PPP1R13B: variants seen among roughly 807,000 people sequenced by gnomAD.
PPP1R13B encodes the protein protein phosphatase 1 regulatory subunit 13B, also known as apoptosis-stimulating of p53 protein 1.
A neutral mutation model predicts 119.8 loss-of-function variants in PPP1R13B; 44 were observed. The observed-to-expected ratio is 0.37, with a 90% CI of 0.29 to 0.47. PPP1R13B has a LOEUF of 0.47. PPP1R13B is among the 20% of genes least tolerant of loss of function. The pLI is 0.99. For synonymous variants in PPP1R13B, 542 were observed against 561.5 expected (o/e 0.97, Z 0.49); for missense variants, 1,227 against 1,413.5 (o/e 0.87, Z 2.12).
chr14:103,776,742 T>G (rs1379843290), intron 4 of PPP1R13B, among the ~76,000 whole-genome samples: 1 of 151,558 alleles, frequency 6.6e-6, no homozygotes, highest in East Asian at 2.0e-4. Context: ...CGTGGCGGTG[T>G]GCGCCTGTAG....
chr14:103,828,910 G>C (rs190233625), intron 1 of PPP1R13B, among the ~76,000 whole-genome samples: 1 of 152,100 alleles, frequency 6.6e-6, no homozygotes. Flanking sequence ...AGGTGATAAA[G>C]GTCCTCCTCT....
intron 1 of PPP1R13B, among the ~76,000 whole-genome samples, chr14:103,812,778 A>T (rs890890934): frequency 1.3e-5 from 2 of 152,224 alleles, no homozygotes; most frequent in African/African-American, 4.8e-5. Context: ...ATGACATACA[A>T]ATGGAAAAAT....
chr14:103,846,680 G>T, intron 1 of PPP1R13B: 2 of 453,012 alleles, frequency 4.4e-6, no homozygotes, highest in East Asian at 1.4e-4. Context: ...CTAGGCGAAA[G>T]CATCCTTAAG....
At chr14:103,803,551 G>A (rs565072448) in intron 1 of PPP1R13B, among the ~76,000 whole-genome samples, 1 of 152,228 alleles carries the variant, frequency 6.6e-6, no homozygotes, top group Non-Finnish European at 1.5e-5. Flanking sequence ...GCTGAGGCAG[G>A]AGAATGCTGT....
Position 103,746,445 on chromosome 14 carries a change from C to G in PPP1R13B, c.1078G>C (p.Val360Leu), listed in dbSNP as rs1567089506. 1.9e-6 allele frequency: 3 copies of G among 1,614,056 alleles called. No homozygotes were observed. Among genetic ancestry groups the G allele is most frequent in the African/African-American group, 1.3e-5 (1 of 74,932 alleles). ...IQVPSAGSFP[V>L]LGDPIKPQSL... Reference sequence around the variant, plus strand: ...TGGGGCTTTATAGGGTCCCCCAGCACAGGAAAGCTTCCGGCACTGGGAACC... The same window carrying G: ...TGGGGCTTTATAGGGTCCCCCAGCAGAGGAAAGCTTCCGGCACTGGGAACC... Residue 360 changes from valine (V) to leucine (L), a missense_variant, in exon 9 of 17, where the codon GTG becomes CTG. Val to Leu is a conservative substitution (Grantham distance 32, BLOSUM62 1). Transcript: ENST00000202556.
rs11362801 is a variant in PPP1R13B at position 103,813,232 on chromosome 14, T to TAA, written c.10-15716_10-15715dup. On this transcript the variant is annotated intron_variant, in intron 1 of 16. Transcript: ENST00000202556. ...ATATTATTCAGTTATTCAGCAATGT[T>TAA]AAAAAAAAAAAGCACAAATCCAGAA... Among the ~76,000 whole-genome samples, 133 of 147,288 alleles carry TAA rather than the reference T, an allele frequency of 9.0e-4. 1 individual carries two copies. Among genetic ancestry groups the TAA allele is most frequent in the Admixed American group, 5.4e-3 (79 of 14,654 alleles).
At chr14:103,746,101 C>T (rs1361977551) in intron 9 of PPP1R13B, among the ~76,000 whole-genome samples, 1 of 152,198 alleles carries the variant, frequency 6.6e-6, no homozygotes, top group Non-Finnish European at 1.5e-5. Context: ...CCACTGCACC[C>T]GGCCCATGGA....
At chr14:103,818,484 T>C in intron 1 of PPP1R13B, 1 of 981,702 alleles carries the variant, frequency 1.0e-6, no homozygotes, top group Non-Finnish European at 1.2e-6. Flanking sequence ...CAGGTACCTG[T>C]TTTCACACAG....
chr14:103,745,259 G>A (rs1344235254), intron 9 of PPP1R13B, among the ~76,000 whole-genome samples: 1 of 152,208 alleles, frequency 6.6e-6, no homozygotes, highest in Non-Finnish European at 1.5e-5. Context: ...GGCAACAGAT[G>A]TGTCGCTGTC....
At chr14:103,757,417 T>C (rs1309308884) in intron 5 of PPP1R13B, among the ~76,000 whole-genome samples, 1 of 152,186 alleles carries the variant, frequency 6.6e-6, no homozygotes, top group South Asian at 2.1e-4. Flanking sequence ...GTGTCTATTG[T>C]ATGTGTCAAA....
At chr14:103,816,163 C>CT (rs752578058) in intron 1 of PPP1R13B, among the ~76,000 whole-genome samples, 3,589 of 142,580 alleles carry the variant, frequency 0.025, 111 homozygotes, top group African/African-American at 0.078. Flanking sequence ...ATGAAAACAA[C>CT]TTTTTTTTTT....
intron 1 of PPP1R13B, among the ~76,000 whole-genome samples, chr14:103,821,474 G>A (rs547742931): frequency 6.6e-6 from 1 of 152,308 alleles, no homozygotes; most frequent in African/African-American, 2.4e-5. Flanking sequence ...GAGGAGCACT[G>A]GGCACAGTGG....
chr14:103,814,348 C>CA (rs1209004156), intron 1 of PPP1R13B, among the ~76,000 whole-genome samples: 17 of 152,118 alleles, frequency 1.1e-4, no homozygotes, highest in African/African-American at 3.6e-4. Flanking sequence ...GACTCCGTCT[C>CA]AAAATAAATG....
At chr14:103,788,074 T>C (rs1368286697) in intron 2 of PPP1R13B, among the ~76,000 whole-genome samples, 1 of 150,678 alleles carries the variant, frequency 6.6e-6, no homozygotes, top group Non-Finnish European at 1.5e-5. Context: ...GACTGCACAA[T>C]GCACTCCAGC....
intron 3 of PPP1R13B, among the ~76,000 whole-genome samples, chr14:103,779,958 T>A (rs190425240): frequency 6.6e-6 from 1 of 151,890 alleles, no homozygotes; most frequent in Admixed American, 6.6e-5. Context: ...GAGACCAGCC[T>A]GCCCGAATGG....
rs533592814 is a variant in PPP1R13B, at chr14:103,746,674, C to G, written c.970-121G>C. ...CACTCAGTGGTTGGTTTTTAGGAAG[C>G]CTGTCATCTGGAAAGATCAGCATCT... On this transcript the variant is annotated intron_variant, in intron 8 of 16. Transcript: ENST00000202556. 84 of 824,120 alleles carry G rather than the reference C, an allele frequency of 1.0e-4. No individual in the cohort carries two copies. The East Asian group carries it at 1.6e-3, about 16-fold the overall frequency. 51.1% of individuals were successfully genotyped at this position (824,120 alleles called of 1,614,324 possible).
intron 2 of PPP1R13B, among the ~76,000 whole-genome samples, chr14:103,792,200 G>GTA (rs1226470857): frequency 1.2e-5 from 1 of 81,548 alleles, no homozygotes; most frequent in Non-Finnish European, 3.3e-5. Flanking sequence ...GTGTGTGTGT[G>GTA]TATATTTTTT....
At chr14:103,848,029 G>A (rs1014867735), upstream of PPP1R13B, among the ~76,000 whole-genome samples, 2 of 151,718 alleles carry the variant, frequency 1.3e-5, no homozygotes, top group Non-Finnish European at 2.9e-5. Context: ...GGCGCGCCGT[G>A]GGGCTGCGGC....
chr14:103,789,095 T>C (rs995833643), intron 2 of PPP1R13B, among the ~76,000 whole-genome samples: 5 of 152,224 alleles, frequency 3.3e-5, no homozygotes, highest in African/African-American at 1.2e-4. Context: ...AATAGGAATC[T>C]TGGAATTTTT....
Sources: allele counts gnomAD v4.1 joint callset (sites outside exome capture counted in the v4.1 genomes callset), GRCh38; gene constraint gnomAD v4.1.1; transcripts MANE v1.5; gene names NCBI Gene and HGNC (gene_info 2026-07-23, HGNC 2026-07-21).